ST3GAL4: variants seen among roughly 807,000 people sequenced by gnomAD.
The protein encoded by ST3GAL4 is ST3 beta-galactoside alpha-2,3-sialyltransferase 4.
ST3GAL4 carries 24 observed loss-of-function variants against 42.6 expected under a neutral mutation model. The observed-to-expected ratio is 0.56, with a 90% CI of 0.41 to 0.79. ST3GAL4 has a LOEUF of 0.79. Among genes scored for constraint, ST3GAL4 ranks in the 30% least tolerant of loss-of-function variants. ST3GAL4 has a pLI of 0.00. For synonymous variants in ST3GAL4, 135 were observed against 163.2 expected (o/e 0.83, Z 1.32); for missense variants, 311 against 430.8 (o/e 0.72, Z 2.46).
At chr11:126,401,616 G>C (rs1410283120) in intron 1 of ST3GAL4, among the ~76,000 whole-genome samples, 1 of 150,480 alleles carries the variant, frequency 6.6e-6, no homozygotes, top group Non-Finnish European at 1.5e-5. Context: ...AGAGCCTACT[G>C]TCCCGGAGGC....
chr11:126,407,573 G>A lies in ST3GAL4; in HGVS notation c.281-1G>A. The A allele has an allele frequency of 1.2e-6, 2 of 1,614,162 alleles. No individual in the cohort carries two copies. Among genetic ancestry groups the A allele is most frequent in the Non-Finnish European group, 1.7e-6 (2 of 1,180,034 alleles). ...GTCCCTCCGCCTGGTACTTTTTGTA[G>A]AGGATCTGCTCCTCCGGGTGCTAGC... On this transcript the variant is annotated splice_acceptor_variant, in intron 5 of 10. Transcript: ENST00000444328. LOFTEE classifies it high-confidence loss of function.
At position 126,386,206 on chromosome 11, in the gene ST3GAL4, C is replaced by G. The variant is rs1953219287; in HGVS notation, c.-60-19890C>G. On this transcript the variant is annotated intron_variant, in intron 1 of 10. Transcript: ENST00000444328. The surrounding 1 kb of genome is among the most constrained non-coding windows in gnomAD (Gnocchi z 4.7). ...AGGGCTGGTGGCCCTCACTCTCTGC[C>G]CCTGTGCCCTGTGTTAGTGGTCCTG... Among the ~76,000 whole-genome samples, 1 of 152,138 alleles carries G rather than the reference C, an allele frequency of 6.6e-6. No homozygotes were observed. Among genetic ancestry groups the G allele is most frequent in the Admixed American group, 6.5e-5 (1 of 15,284 alleles).
At chr11:126,412,594 C>T (rs1473013849) in intron 9 of ST3GAL4, among the ~76,000 whole-genome samples, 1 of 152,164 alleles carries the variant, frequency 6.6e-6, no homozygotes, top group Non-Finnish European at 1.5e-5. Context: ...GTAATCCCAG[C>T]GCTTTGGGAG....
Position 126,406,194 on chromosome 11 carries a change from C to T in ST3GAL4, c.16+23C>T, listed in dbSNP as rs1411191340. On this transcript the variant is annotated intron_variant, in intron 2 of 10. Transcript: ENST00000444328. The surrounding 1 kb of genome is among the most constrained non-coding windows in gnomAD (Gnocchi z 5.4). ...CCCGTGAGTGTCATCCGAGGGCTCC[C>T]CCACCCTGGAGGACAGGCCTCAGAA... 2 of 1,556,856 alleles carry T rather than the reference C, an allele frequency of 1.3e-6. No homozygotes were observed. Among genetic ancestry groups the T allele is most frequent in the Non-Finnish European group, 1.7e-6 (2 of 1,150,386 alleles).
rs1953247799 is a variant in ST3GAL4, at chr11:126,386,921, G to A, written c.-60-19175G>A. The stretch of plus-strand genomic sequence containing the variant: ...CACACCCCTCCCCCACCCCGCTGGA[G>A]AAGCCCTGCACCAGAGCATACAGTT... On this transcript the variant is annotated intron_variant, in intron 1 of 10. Transcript: ENST00000444328. The surrounding 1 kb of genome is among the most constrained non-coding windows in gnomAD (Gnocchi z 4.7). Among the ~76,000 whole-genome samples the A allele has an allele frequency of 6.6e-6, 1 of 152,034 alleles. No homozygotes were observed. Among genetic ancestry groups the A allele is most frequent in the South Asian group, 2.1e-4 (1 of 4,822 alleles).
In ST3GAL4 at chr11:126,389,355, A is replaced by G. The variant is rs540629952; in HGVS notation, c.-60-16741A>G. Among the ~76,000 whole-genome samples the G allele has an allele frequency of 3.3e-5, 5 of 152,318 alleles. No homozygotes were observed. In the East Asian group the frequency reaches 9.6e-4, roughly 29 times the overall value. On this transcript the variant is annotated intron_variant, in intron 1 of 10. Transcript: ENST00000444328. ...TAGATTTTTTTCCTTTAAGAAATAA[A>G]ATATTGCAAGTAGAGAACCAAAGAC...
chr11:126,361,839 C>T (rs1433956253), intron 1 of ST3GAL4, among the ~76,000 whole-genome samples: 1 of 152,014 alleles, frequency 6.6e-6, no homozygotes, highest in Non-Finnish European at 1.5e-5. Flanking sequence ...CAGCTTGCAG[C>T]CTGCCACTGT....
chr11:126,395,656 G>A (rs577139242), intron 1 of ST3GAL4, among the ~76,000 whole-genome samples: 1 of 152,296 alleles, frequency 6.6e-6, no homozygotes, highest in South Asian at 2.1e-4. Context: ...CTGGTAGTAA[G>A]TGTCAGGTGA....
At chr11:126,362,659 G>A (rs1250071096) in intron 1 of ST3GAL4, among the ~76,000 whole-genome samples, 1 of 152,138 alleles carries the variant, frequency 6.6e-6, no homozygotes, top group Admixed American at 6.5e-5. Context: ...AGGGGCAGGT[G>A]GCTCACTAGG....
In ST3GAL4 at chr11:126,409,203, GGGTTGGAT is replaced by G; in HGVS notation, c.628-64_628-57del. Reference sequence around the variant, plus strand: ...CCCCCTCGCCTCGCTGAGGACCACTGGGTTGGATTTGAGAAACAGGGCTTCACCCGCTT... The same window carrying G: ...CCCCCTCGCCTCGCTGAGGACCACTGTTGAGAAACAGGGCTTCACCCGCTT... On this transcript the variant is annotated intron_variant, in intron 8 of 10. Coordinates refer to ENST00000444328, the MANE Select transcript of ST3GAL4 (RefSeq NM_001254757.2). The surrounding 1 kb of genome is among the most constrained non-coding windows in gnomAD (Gnocchi z 4.9). 3.1e-6 allele frequency: 5 copies of G among 1,596,052 alleles called. No homozygotes were observed. Among genetic ancestry groups the G allele is most frequent in the Non-Finnish European group, 4.3e-6 (5 of 1,166,978 alleles).
chr11:126,368,021 G>A (rs1393999092), intron 1 of ST3GAL4, among the ~76,000 whole-genome samples: 4 of 151,750 alleles, frequency 2.6e-5, no homozygotes, highest in Non-Finnish European at 4.4e-5. Flanking sequence ...AATGGCGCGC[G>A]CCTGTGATCC....
chr11:126,364,158 A>G (rs1344261107), intron 1 of ST3GAL4, among the ~76,000 whole-genome samples: 5 of 152,344 alleles, frequency 3.3e-5, no homozygotes, highest in Admixed American at 6.5e-5. Flanking sequence ...GCGCTGGCCC[A>G]TTCCGGCTCC....
rs1010128166 is a variant in ST3GAL4 at position 126,372,244 on chromosome 11, C to T, written c.-61+16402C>T. Reference sequence around the variant, plus strand: ...CCTTTTCCCCTCAGTCCTTGGCAGCCGCCATTCTGCTTTCTGTGTCTATGA... The same window carrying T: ...CCTTTTCCCCTCAGTCCTTGGCAGCTGCCATTCTGCTTTCTGTGTCTATGA... On this transcript the variant is annotated intron_variant, in intron 1 of 10. Transcript: ENST00000444328. Among the ~76,000 whole-genome samples, 7 of 152,254 alleles carry T rather than the reference C, an allele frequency of 4.6e-5. No individual in the cohort carries two copies. In the East Asian group the frequency reaches 5.8e-4, roughly 13 times the overall value.
In ST3GAL4 at chr11:126,386,237, G is replaced by C. The variant is rs1953220988; in HGVS notation, c.-60-19859G>C. Among the ~76,000 whole-genome samples, 1 of 152,154 alleles carries C rather than the reference G, an allele frequency of 6.6e-6. No homozygotes were observed. Among genetic ancestry groups the C allele is most frequent in the South Asian group, 2.1e-4 (1 of 4,822 alleles). On this transcript the variant is annotated intron_variant, in intron 1 of 10. Transcript: ENST00000444328. This position sits in a 1 kb window ranked among gnomAD's most constrained non-coding sequence, Gnocchi z 4.7. ...GCCCTGTGTTAGTGGTCCTGTGGTT[G>C]TCATTGCCCCGTCATCTCCACCATT...
At chr11:126,387,849 T>C (rs145135376) in intron 1 of ST3GAL4, among the ~76,000 whole-genome samples, 1 of 152,364 alleles carries the variant, frequency 6.6e-6, no homozygotes, top group Admixed American at 6.5e-5. Flanking sequence ...TGCATGTAAC[T>C]GTTTTGTGAA....
intron 1 of ST3GAL4, among the ~76,000 whole-genome samples, chr11:126,361,063 C>T (rs567248921): frequency 1.2e-4 from 18 of 152,318 alleles, no homozygotes; most frequent in African/African-American, 3.4e-4. Flanking sequence ...CCACCCACCA[C>T]AGGGTCGGCT....
rs573334606 is a variant in ST3GAL4 at position 126,400,222 on chromosome 11, G to A, written c.-60-5874G>A. Among the ~76,000 whole-genome samples the A allele has an allele frequency of 3.9e-5, 6 of 152,356 alleles. No homozygotes were observed. In the East Asian group the frequency reaches 1.2e-3, roughly 29 times the overall value. Reference sequence around the variant, plus strand: ...AGTCCAAGATCAAGGGGCTGCTCTGGCAAGGGCCTTCTTGCTGCATCATCC... The same window carrying A: ...AGTCCAAGATCAAGGGGCTGCTCTGACAAGGGCCTTCTTGCTGCATCATCC... On this transcript the variant is annotated intron_variant, in intron 1 of 10. Coordinates refer to ENST00000444328, the MANE Select transcript of ST3GAL4 (RefSeq NM_001254757.2). This position sits in a 1 kb window ranked among gnomAD's most constrained non-coding sequence, Gnocchi z 4.6.
At chr11:126,399,168 G>A (rs936574694) in intron 1 of ST3GAL4, among the ~76,000 whole-genome samples, 3 of 151,896 alleles carry the variant, frequency 2.0e-5, no homozygotes, top group Admixed American at 6.6e-5. Flanking sequence ...ACTATCAAAC[G>A]GTAACATGCC....
intron 1 of ST3GAL4, among the ~76,000 whole-genome samples, chr11:126,368,797 C>A (rs534394668): frequency 1.3e-5 from 2 of 152,242 alleles, no homozygotes; most frequent in African/African-American, 4.8e-5. Flanking sequence ...GGCCTTTGCA[C>A]GCTCAGATCT....
Sources: gnomAD v4.1 joint callset for allele counts (sites outside exome capture counted in the v4.1 genomes callset) on GRCh38, gnomAD v4.1.1 for gene constraint, Gnocchi (gnomAD v3.1) non-coding constraint, MANE v1.5 for transcripts, NCBI Gene and HGNC (gene_info 2026-07-23, HGNC 2026-07-21) for gene names.